The following ASAP1 variants were observed in gnomAD, a reference collection of about 807,000 sequenced individuals.
ASAP1 encodes the protein arf-GAP with SH3 domain, ANK repeat and PH domain-containing protein 1.
ASAP1 carries 43 observed loss-of-function variants against 145.2 expected under a neutral mutation model. That is an observed-to-expected ratio of 0.30 (90% CI 0.23 to 0.38). The LOEUF is 0.38. Among genes scored for constraint, ASAP1 ranks in the 10% least tolerant of loss-of-function variants. ASAP1 has a pLI of 1.00. For missense variants in ASAP1, 1,018 were observed against 1,355.3 expected (o/e 0.75, Z 3.91); for synonymous variants, 546 against 515.5 (o/e 1.06, Z -0.80).
intron 24 of ASAP1, among the ~76,000 whole-genome samples, chr8:130,105,444 G>A (rs2097535336): frequency 1.3e-5 from 2 of 152,192 alleles, no homozygotes; most frequent in Admixed American, 6.5e-5. Flanking sequence ...ATTAACAGAT[G>A]CATTACTTCA....
intron 1 of ASAP1, among the ~76,000 whole-genome samples, chr8:130,413,416 C>CTGA (rs1829347557): frequency 6.6e-6 from 1 of 152,176 alleles, no homozygotes; most frequent in Non-Finnish European, 1.5e-5. Context: ...CACATTTTAG[C>CTGA]ATTTCTGAAA....
At position 130,053,776 on chromosome 8, in the gene ASAP1, T is replaced by C. The variant is rs187460345; in HGVS notation, c.*955A>G. On this transcript the variant is annotated 3_prime_UTR_variant, in exon 30 of 30. Coordinates refer to ENST00000518721, the MANE Select transcript of ASAP1 (RefSeq NM_018482.4). Reference sequence around the variant, plus strand: ...AGATGTGCATTCATAACACAATATGTCAATCCATACTCTTGAGAAAGCCAG... The same window carrying C: ...AGATGTGCATTCATAACACAATATGCCAATCCATACTCTTGAGAAAGCCAG... 6 of 152,352 alleles carry C rather than the reference T, an allele frequency of 3.9e-5. No individual in the cohort carries two copies. The East Asian group carries it at 1.2e-3, about 29-fold the overall frequency. The allele number at this position is 152,352 out of a possible 1,614,324, so 9.4% of individuals were successfully genotyped here. A position where few individuals can be genotyped will look rare whatever the true frequency, so the allele number is the denominator to read the frequency against.
chr8:130,218,935 A>G (rs769933411), intron 4 of ASAP1, among the ~76,000 whole-genome samples: 5 of 152,104 alleles, frequency 3.3e-5, no homozygotes, highest in Non-Finnish European at 5.9e-5. Flanking sequence ...TCTCACATAT[A>G]TATGTGTATA....
chr8:130,403,095 T>C (rs1266546554), intron 1 of ASAP1, among the ~76,000 whole-genome samples: 1 of 152,112 alleles, frequency 6.6e-6, no homozygotes, highest in East Asian at 1.9e-4. Context: ...TGAGGAAATT[T>C]CCAGTCATCT....
At chr8:130,061,906 A>G (rs1330623545) in intron 27 of ASAP1, among the ~76,000 whole-genome samples, 3 of 152,214 alleles carry the variant, frequency 2.0e-5, no homozygotes, top group Non-Finnish European at 4.4e-5. Context: ...AAAACTATGG[A>G]CATGTCTCCA....
At chr8:130,212,102 G>C (rs914504452) in intron 5 of ASAP1, among the ~76,000 whole-genome samples, 1 of 152,150 alleles carries the variant, frequency 6.6e-6, no homozygotes, top group Non-Finnish European at 1.5e-5. Flanking sequence ...CCCTTTCCAG[G>C]AAAAGCATAA....
chr8:130,354,725 C>T (rs1826199257), intron 3 of ASAP1, among the ~76,000 whole-genome samples: 3 of 152,332 alleles, frequency 2.0e-5, no homozygotes, highest in South Asian at 4.1e-4. Flanking sequence ...AACACTCACA[C>T]GCCAGGATGA....
At chr8:130,423,021 G>A (rs1829781576) in intron 1 of ASAP1, among the ~76,000 whole-genome samples, 1 of 152,356 alleles carries the variant, frequency 6.6e-6, no homozygotes, top group East Asian at 1.9e-4. Context: ...TAGAATCCAA[G>A]TCTATGTATA....
intron 13 of ASAP1, among the ~76,000 whole-genome samples, chr8:130,147,820 C>T (rs2097635881): frequency 1.3e-5 from 2 of 152,158 alleles, no homozygotes; most frequent in Non-Finnish European, 2.9e-5. Flanking sequence ...TCTAAAGAGG[C>T]CAGCTGGATT....
At chr8:130,210,364 A>G (rs1261451777) in intron 5 of ASAP1, among the ~76,000 whole-genome samples, 5 of 152,228 alleles carry the variant, frequency 3.3e-5, no homozygotes, top group Non-Finnish European at 5.9e-5. Context: ...CATAATACAC[A>G]TGGAAAACGT....
intron 11 of ASAP1, among the ~76,000 whole-genome samples, chr8:130,161,897 C>T (rs1436868359): frequency 6.6e-6 from 1 of 152,146 alleles, no homozygotes; most frequent in African/African-American, 2.4e-5. Flanking sequence ...ACCTCCCAAG[C>T]TGAAATGAGT....
At chr8:130,194,322 A>C (rs1217255596) in intron 5 of ASAP1, among the ~76,000 whole-genome samples, 1 of 152,242 alleles carries the variant, frequency 6.6e-6, no homozygotes, top group African/African-American at 2.4e-5. Flanking sequence ...AGAAAGGTTA[A>C]AGAGAAAGCA....
At chr8:130,100,958 T>G (rs2097527767) in intron 24 of ASAP1, among the ~76,000 whole-genome samples, 1 of 152,238 alleles carries the variant, frequency 6.6e-6, no homozygotes, top group Admixed American at 6.5e-5. Context: ...AGTAGTTTTA[T>G]AGTTTCGGGT....
chr8:130,309,092 A>G (rs1823170223), intron 3 of ASAP1, among the ~76,000 whole-genome samples: 1 of 152,178 alleles, frequency 6.6e-6, no homozygotes, highest in African/African-American at 2.4e-5. Context: ...TTCACCAAAC[A>G]TGTCCTGAAG....
chr8:130,188,282 C>T (rs866530277), intron 5 of ASAP1, 99 bp from the exon 6 acceptor site: 4 of 933,012 alleles, frequency 4.3e-6, no homozygotes, highest in Non-Finnish European at 6.9e-6. Context: ...ACACACCAGG[C>T]TCTGTTGAAG....
intron 3 of ASAP1, among the ~76,000 whole-genome samples, chr8:130,334,323 A>G (rs1041283418): frequency 6.6e-6 from 1 of 152,250 alleles, no homozygotes; most frequent in African/African-American, 2.4e-5. Context: ...AGAAAAGCAC[A>G]TGATGAAATA....
At chr8:130,338,112 A>T (rs1825150300) in intron 3 of ASAP1, among the ~76,000 whole-genome samples, 1 of 152,236 alleles carries the variant, frequency 6.6e-6, no homozygotes, top group Non-Finnish European at 1.5e-5. Flanking sequence ...GGAGCCTGTG[A>T]TGCTTTACAT....
At chr8:130,066,716 C>T (rs1192837447) in intron 27 of ASAP1, among the ~76,000 whole-genome samples, 1 of 152,092 alleles carries the variant, frequency 6.6e-6, no homozygotes, top group African/African-American at 2.4e-5. Context: ...TTTGCCCTAA[C>T]CTAAAGGCAT....
At chr8:130,383,765 T>A (rs969020183) in intron 2 of ASAP1, among the ~76,000 whole-genome samples, 1 of 152,200 alleles carries the variant, frequency 6.6e-6, no homozygotes, top group Non-Finnish European at 1.5e-5. Flanking sequence ...CATCCCTGGA[T>A]CCAGGAGAGC....
Sources: allele counts gnomAD v4.1 joint callset (sites outside exome capture counted in the v4.1 genomes callset), GRCh38; gene constraint gnomAD v4.1.1; transcripts MANE v1.5; gene names NCBI Gene and HGNC (gene_info 2026-07-23, HGNC 2026-07-21).